The following PPP3CC variants were observed in gnomAD, a reference collection of about 807,000 sequenced individuals.
PPP3CC encodes the protein protein phosphatase 3 catalytic subunit gamma.
In PPP3CC, 35 loss-of-function variants were observed where a neutral mutation model predicts 60.3. That is an observed-to-expected ratio of 0.58 (90% CI 0.44 to 0.77). The LOEUF is 0.77. Ranked by LOEUF, PPP3CC falls within the 30% of genes least tolerant of loss-of-function variation. The pLI, the probability that PPP3CC is intolerant of heterozygous loss-of-function variation, is 0.00. For missense variants in PPP3CC, 570 were observed against 628.9 expected, an observed-to-expected ratio of 0.91 and a Z score of 1.00; for synonymous variants, 206 against 224.3, an observed-to-expected ratio of 0.92 and a Z score of 0.73.
chr8:22,487,337 A>G (rs80072565), intron 3 of PPP3CC, among the ~76,000 whole-genome samples: 6,703 of 152,218 alleles, frequency 0.044, 397 homozygotes, highest in African/African-American at 0.13. Context: ...CTATTACAAA[A>G]TGCTGGCTGG....
intron 1 of PPP3CC, among the ~76,000 whole-genome samples, chr8:22,452,997 A>G: frequency 6.6e-6 from 1 of 152,210 alleles, no homozygotes; most frequent in East Asian, 1.9e-4. Context: ...TGCTTAGTAA[A>G]TATTTAAGTA....
intron 8 of PPP3CC, chr8:22,523,493 G>C (rs1839463215): frequency 5.3e-6 from 1 of 187,456 alleles, no homozygotes; most frequent in African/African-American, 2.4e-5. Context: ...TAAATTAATA[G>C]GACTTTGAAA....
At chr8:22,531,386 A>G (rs1839712530) in intron 10 of PPP3CC, 1 of 1,450,838 alleles carries the variant, frequency 6.9e-7, no homozygotes, top group Non-Finnish European at 9.3e-7. Flanking sequence ...ACCATAGTCT[A>G]TTGGTTAGAC....
chr8:22,474,932 T>G (rs1290564389), intron 1 of PPP3CC, 22 bp from the exon 2 acceptor site: 1 of 1,364,550 alleles, frequency 7.3e-7, no homozygotes, highest in Admixed American at 2.4e-5. Context: ...TATTTTAAAT[T>G]ATTATTATTA....
intron 1 of PPP3CC, among the ~76,000 whole-genome samples, chr8:22,451,131 A>C (rs11782960): frequency 6.9e-5 from 10 of 144,444 alleles, no homozygotes; most frequent in Non-Finnish European, 4.6e-5. Flanking sequence ...GAGCCACCGC[A>C]CCCGGCCCAT....
Position 22,532,365 on chromosome 8 carries a change from C to T in PPP3CC, c.1223+59C>T, listed in dbSNP as rs770184238. On this transcript the variant is annotated intron_variant, in intron 11 of 13. Coordinates refer to ENST00000240139, the MANE Select transcript of PPP3CC (RefSeq NM_005605.5). Reference sequence around the variant, plus strand: ...GGCATTTTGAGAGTAAATTAGACGTCGAATTCAGAACAGTTTTTTTATAAT... The same window carrying T: ...GGCATTTTGAGAGTAAATTAGACGTTGAATTCAGAACAGTTTTTTTATAAT... 8.6e-6 allele frequency: 12 copies of T among 1,400,804 alleles called. No individual in the cohort carries two copies. In the South Asian group the frequency reaches 9.6e-5, roughly 11 times the overall value. 86.8% of individuals were successfully genotyped at this position (1,400,804 alleles called of 1,614,324 possible). A position where few individuals can be genotyped will look rare whatever the true frequency, so the allele number is the denominator to read the frequency against.
chr8:22,529,178 C>T (rs1839638648), intron 10 of PPP3CC, among the ~76,000 whole-genome samples: 1 of 152,094 alleles, frequency 6.6e-6, no homozygotes, highest in South Asian at 2.1e-4. Context: ...AGGAATAACA[C>T]TTCTTGATTA....
intron 4 of PPP3CC, among the ~76,000 whole-genome samples, chr8:22,503,958 C>A (rs1838836378): frequency 6.6e-6 from 1 of 152,102 alleles, no homozygotes; most frequent in African/African-American, 2.4e-5. Flanking sequence ...TCTTCAGTGG[C>A]CACTGTGGCT....
Position 22,540,923 on chromosome 8 carries a change from G to C in PPP3CC, c.*121G>C. ...AACGTGGAGGTGCATTTATAATTCA[G>C]TCTGCATTTATTCTGTAAAAAGGTG... On this transcript the variant is annotated 3_prime_UTR_variant, in exon 14 of 14. Transcript: ENST00000240139. 1 of 914,690 alleles carries C rather than the reference G, an allele frequency of 1.1e-6. No homozygotes were observed. Among genetic ancestry groups the C allele is most frequent in the Admixed American group, 3.5e-5 (1 of 28,252 alleles). 56.7% of individuals were successfully genotyped at this position (914,690 alleles called of 1,614,324 possible).
chr8:22,533,777 A>G (rs535768974), intron 12 of PPP3CC, among the ~76,000 whole-genome samples: 1 of 152,332 alleles, frequency 6.6e-6, no homozygotes, highest in Non-Finnish European at 1.5e-5. Flanking sequence ...GTGAACCGAG[A>G]TCGCGCCACT....
intron 3 of PPP3CC, among the ~76,000 whole-genome samples, chr8:22,496,195 G>A (rs1391628775): frequency 6.6e-6 from 1 of 151,278 alleles, no homozygotes; most frequent in Non-Finnish European, 1.5e-5. Flanking sequence ...CCAAATTTTT[G>A]TAGGTACTTT....
intron 1 of PPP3CC, among the ~76,000 whole-genome samples, chr8:22,467,867 T>C (rs1837593803): frequency 6.6e-6 from 1 of 152,214 alleles, no homozygotes; most frequent in Non-Finnish European, 1.5e-5. Context: ...CTCTTCCTTA[T>C]AAGTGGCACC....
intron 5 of PPP3CC, among the ~76,000 whole-genome samples, chr8:22,512,968 A>G (rs978299672): frequency 6.6e-6 from 1 of 151,896 alleles, no homozygotes; most frequent in Admixed American, 6.6e-5. Context: ...CCCAGCTACT[A>G]GGGAGGGTGA....
At chr8:22,488,485 A>G (rs1413297529) in intron 3 of PPP3CC, among the ~76,000 whole-genome samples, 1 of 152,240 alleles carries the variant, frequency 6.6e-6, no homozygotes, top group Non-Finnish European at 1.5e-5. Flanking sequence ...GGCATTTGAT[A>G]AACAGGCTTC....
intron 3 of PPP3CC, among the ~76,000 whole-genome samples, chr8:22,482,601 T>G (rs569878981): frequency 3.9e-5 from 6 of 152,360 alleles, no homozygotes; most frequent in Admixed American, 2.0e-4. Context: ...AGTCTTGAAG[T>G]CTTTGCCCAT....
intron 1 of PPP3CC, among the ~76,000 whole-genome samples, chr8:22,448,985 CT>C (rs1836922697): frequency 6.6e-6 from 1 of 152,164 alleles, no homozygotes; most frequent in South Asian, 2.1e-4. Context: ...TGGCTCTCGC[CT>C]ATAGTCCCAG....
chr8:22,455,938 C>T (rs1311886967), intron 1 of PPP3CC, among the ~76,000 whole-genome samples: 1 of 152,236 alleles, frequency 6.6e-6, no homozygotes, highest in Non-Finnish European at 1.5e-5. Context: ...ACTAAAGTCA[C>T]TTGTTCTGGT....
At position 22,522,738 on chromosome 8, in the gene PPP3CC, A is replaced by G; in HGVS notation, c.932A>G (p.Tyr311Cys). ...TCTGCCCCCAATTACCTAGATGTCTATAACAATAAAGGTAAAGGAATCCAG... is the reference window on the plus strand; with the variant it reads ...TCTGCCCCCAATTACCTAGATGTCTGTAACAATAAAGGTAAAGGAATCCAG... ...IFSAPNYLDVYNNKAAVLKYE... is the reference protein window; with the variant it reads ...IFSAPNYLDVCNNKAAVLKYE... The change falls in exon 8 of 14, where the codon TAT becomes TGT. Residue 311 changes from tyrosine (Y) to cysteine (C), a missense_variant. Transcript: ENST00000240139. 1.3e-6 allele frequency: 2 copies of G among 1,575,410 alleles called. No homozygotes were observed. Among genetic ancestry groups the G allele is most frequent in the Non-Finnish European group, 8.7e-7 (1 of 1,145,364 alleles).
chr8:22,534,089 C>T (rs1405157423), intron 12 of PPP3CC, among the ~76,000 whole-genome samples: 1 of 151,218 alleles, frequency 6.6e-6, no homozygotes, highest in Non-Finnish European at 1.5e-5. Flanking sequence ...ATCCTAGCTA[C>T]TCAGGAGGCT....
Sources: gnomAD v4.1 joint callset for allele counts (sites outside exome capture counted in the v4.1 genomes callset) on GRCh38, gnomAD v4.1.1 for gene constraint, MANE v1.5 for transcripts, NCBI Gene and HGNC (gene_info 2026-07-23, HGNC 2026-07-21) for gene names.